ERCC6L2: variants seen among roughly 807,000 people sequenced by gnomAD.
ERCC6L2 encodes the protein ERCC excision repair 6 like 2.
Under a neutral mutation model 132.0 loss-of-function variants are expected in ERCC6L2, and 77 were observed. The observed-to-expected ratio is 0.58, with a 90% CI of 0.49 to 0.71. ERCC6L2 has a LOEUF of 0.71. Among genes scored for constraint, ERCC6L2 ranks in the 30% least tolerant of loss-of-function variants. The pLI, the probability that ERCC6L2 is intolerant of heterozygous loss-of-function variation, is 0.00. For missense variants in ERCC6L2, 1,542 were observed against 1,837.6 expected (o/e 0.84, Z 2.94); for synonymous variants, 583 against 632.4 (o/e 0.92, Z 1.17).
chr9:95,928,780 G>A lies in ERCC6L2; in HGVS notation c.1667G>A (p.Gly556Glu). The A allele has an allele frequency of 6.2e-7, 1 of 1,613,276 alleles. No individual in the cohort carries two copies. The highest frequency in any genetic ancestry group is 8.5e-7 in the Non-Finnish European group (1 of 1,179,562). ...GGGCTTGATTACCGACGACTTGATG[G>A]AAGTACAAAATCAGAGGAAAGACTC... ...ASGLDYRRLD[G>E]STKSEERLKI... is the part of the protein sequence containing the mutation. The change falls in exon 11 of 19, where the codon GGA becomes GAA. Residue 556 changes from glycine to glutamate, a missense_variant. Physicochemically the swap from Gly to Glu is moderately conservative, Grantham distance 98. Around this residue, in one of 4 missense-constraint regions of ERCC6L2, gnomAD observed 945 missense variants for 1,105.2 expected, o/e 0.86. Coordinates refer to ENST00000653738, the MANE Select transcript of ERCC6L2 (RefSeq NM_020207.7).
intron 17 of ERCC6L2, among the ~76,000 whole-genome samples, chr9:95,998,972 T>G (rs1287963112): frequency 6.6e-6 from 1 of 152,230 alleles, no homozygotes; most frequent in East Asian, 1.9e-4. Flanking sequence ...CAGCCTTGTT[T>G]CAGTAAAGTA....
chr9:95,877,359 C>T, intron 1 of ERCC6L2, among the ~76,000 whole-genome samples: 1 of 150,448 alleles, frequency 6.6e-6, no homozygotes, highest in East Asian at 1.9e-4. Context: ...TTTGCACATG[C>T]TGTACACTTA....
In ERCC6L2 at chr9:95,922,398, G is replaced by A; in HGVS notation, c.1393G>A (p.Ala465Thr). 1 of 1,609,180 alleles carries A rather than the reference G, an allele frequency of 6.2e-7. No homozygotes were observed. Among genetic ancestry groups the A allele is most frequent in the East Asian group, 2.2e-5 (1 of 44,758 alleles). ...TAACCATGTCGCGCTACTGCAAGCTGCTAGTACTTCCAAACAACAGGTTTG... is the reference window on the plus strand; with the variant it reads ...TAACCATGTCGCGCTACTGCAAGCTACTAGTACTTCCAAACAACAGGTTTG... ...VANHVALLQA[A>T]STSKQQETLI... Residue 465 changes from alanine (A) to threonine (T), a missense_variant, in exon 8 of 19, where the codon GCT (alanine) becomes ACT (threonine). Ala to Thr is a moderately conservative substitution (Grantham distance 58). This residue lies in a region of ERCC6L2 where 945 missense variants were observed against 1,105.2 expected (regional missense o/e 0.86). Coordinates refer to ENST00000653738, the MANE Select transcript of ERCC6L2 (RefSeq NM_020207.7).
chr9:95,881,430 T>G, intron 2 of ERCC6L2, 137 bp downstream of exon 2: 1 of 593,698 alleles, frequency 1.7e-6, no homozygotes, highest in Non-Finnish European at 2.6e-6. Flanking sequence ...TCTCACTAAC[T>G]AGATAGTGAA....
At chr9:95,906,684 T>C (rs758586995) in intron 3 of ERCC6L2, 44 of 457,964 alleles carry the variant, frequency 9.6e-5, no homozygotes, top group Non-Finnish European at 1.8e-4. Context: ...GGAGACCATA[T>C]ATTTCAAGAA....
rs1450091214 is a variant in ERCC6L2, at chr9:96,017,307, C to A, written c.*4104C>A. ...TCTCACTTTTGCTTGGCTAAAGGGC[C>A]ACCCCAGGAGAGCTATTTTGCCTCA... On this transcript the variant is annotated 3_prime_UTR_variant, in exon 19 of 19. Coordinates refer to ENST00000653738, the MANE Select transcript of ERCC6L2 (RefSeq NM_020207.7). 2.0e-5 allele frequency among the ~76,000 whole-genome samples: 3 copies of A among 152,108 alleles called. No individual in the cohort carries two copies. Among genetic ancestry groups the A allele is most frequent in the Non-Finnish European group, 4.4e-5 (3 of 68,006 alleles).
intron 4 of ERCC6L2, among the ~76,000 whole-genome samples, chr9:95,908,708 T>G (rs1046155217): frequency 1.3e-4 from 20 of 152,298 alleles, no homozygotes; most frequent in African/African-American, 4.8e-4. Flanking sequence ...AATTTATACC[T>G]TTTAGGTGAA....
chr9:95,985,825 A>G (rs1022041038), intron 17 of ERCC6L2, among the ~76,000 whole-genome samples: 1 of 152,128 alleles, frequency 6.6e-6, no homozygotes, highest in African/African-American at 2.4e-5. Context: ...GTACATACCA[A>G]CCACAGAGTA....
intron 17 of ERCC6L2, among the ~76,000 whole-genome samples, chr9:95,983,223 A>G (rs1399026105): frequency 6.6e-6 from 1 of 152,148 alleles, no homozygotes; most frequent in Non-Finnish European, 1.5e-5. Context: ...CCTGCCTTGA[A>G]CTGTGGCTGA....
At chr9:96,004,824 C>T in intron 18 of ERCC6L2, 123 bp downstream of exon 18, 2 of 616,732 alleles carry the variant, frequency 3.2e-6, no homozygotes, top group South Asian at 4.0e-5. Flanking sequence ...TCAGAAAAAT[C>T]TGAATTTCAA....
At chr9:95,884,798 ACGT>A (rs1827777532) in intron 2 of ERCC6L2, among the ~76,000 whole-genome samples, 3 of 152,222 alleles carry the variant, frequency 2.0e-5, no homozygotes, top group Admixed American at 2.0e-4. Flanking sequence ...CATAGAAAGA[ACGT>A]ATATTTACCT....
intron 19 of ERCC6L2, among the ~76,000 whole-genome samples, chr9:96,036,465 G>A (rs75081464): frequency 0.022 from 3,342 of 152,238 alleles, 114 homozygotes; most frequent in East Asian, 0.091. Context: ...ATGGGTGTTC[G>A]TGCTGCTCTG....
At chr9:95,963,720 C>T (rs1351907562) in intron 13 of ERCC6L2, among the ~76,000 whole-genome samples, 1 of 151,986 alleles carries the variant, frequency 6.6e-6, no homozygotes, top group African/African-American at 2.4e-5. Context: ...GAATATTATC[C>T]AGGCTTTGTC....
At chr9:95,977,651 C>T (rs567694184) in intron 16 of ERCC6L2, among the ~76,000 whole-genome samples, 1 of 152,196 alleles carries the variant, frequency 6.6e-6, no homozygotes, top group South Asian at 2.1e-4. Context: ...TCATAAACCC[C>T]ATGCTCTCAT....
chr9:95,877,472 A>C (rs548910014), intron 1 of ERCC6L2, among the ~76,000 whole-genome samples: 1 of 151,958 alleles, frequency 6.6e-6, no homozygotes, highest in African/African-American at 2.4e-5. Context: ...AGTTATGTAT[A>C]TGTTGGTGTA....
intron 11 of ERCC6L2, among the ~76,000 whole-genome samples, chr9:95,940,240 G>T (rs1259740680): frequency 6.6e-6 from 1 of 152,134 alleles, no homozygotes; most frequent in Admixed American, 6.6e-5. Flanking sequence ...TTGTTCCTTG[G>T]TGTTTGGCAG....
intron 19 of ERCC6L2, among the ~76,000 whole-genome samples, chr9:96,029,319 A>AAAC (rs1834424904): frequency 7.0e-6 from 1 of 142,274 alleles, no homozygotes; most frequent in African/African-American, 2.6e-5. Context: ...AAAAAAAAAA[A>AAAC]AAAACAAAAA....
chr9:96,020,565 T>C (rs999210728), downstream of ERCC6L2: 1 of 359,786 alleles, frequency 2.8e-6, no homozygotes, highest in Non-Finnish European at 5.5e-6. Flanking sequence ...TGCTGAGACA[T>C]GTTGGGGTGG....
At chr9:96,033,784 T>A (rs958134785) in intron 19 of ERCC6L2, among the ~76,000 whole-genome samples, 1 of 152,140 alleles carries the variant, frequency 6.6e-6, no homozygotes, top group Non-Finnish European at 1.5e-5. Context: ...AACAACTTAT[T>A]TAGGGGGTTC....
Sources: gnomAD v4.1 joint callset for allele counts (sites outside exome capture counted in the v4.1 genomes callset) on GRCh38, gnomAD v4.1.1 for gene constraint, gnomAD v4.1.1 regional missense constraint, MANE v1.5 for transcripts, NCBI Gene and HGNC (gene_info 2026-07-23, HGNC 2026-07-21) for gene names.